The following PSPH variants were observed in gnomAD, a reference collection of about 807,000 sequenced individuals.
The protein encoded by PSPH is L-3-phosphoserine phosphatase.
A neutral mutation model predicts 23.4 loss-of-function variants in PSPH; 16 were observed. That is an observed-to-expected ratio of 0.68 (90% CI 0.46 to 1.04). The LOEUF (loss-of-function observed/expected upper bound fraction) is 1.04. Ranked by LOEUF, PSPH falls within the 50% of genes least tolerant of loss-of-function variation. PSPH has a pLI of 0.00. For synonymous variants in PSPH, 68 were observed against 99.7 expected, an observed-to-expected ratio of 0.68 and a Z score of 1.89; for missense variants, 223 against 273.7, an observed-to-expected ratio of 0.81 and a Z score of 1.31.
At chr7:56,014,503 A>T (rs753962811) in intron 7 of PSPH, among the ~76,000 whole-genome samples, 1 of 152,166 alleles carries the variant, frequency 6.6e-6, no homozygotes, top group African/African-American at 2.4e-5. Context: ...GTTCGAAATC[A>T]GCTGTTTTTA....
At chr7:56,019,889 C>T in intron 4 of PSPH, 155 bp from the exon 5 acceptor site, 2 of 934,226 alleles carry the variant, frequency 2.1e-6, no homozygotes, top group African/African-American at 1.6e-5. Flanking sequence ...GAGAGCAAGG[C>T]CTTGGAATAA....
intron 3 of PSPH, among the ~76,000 whole-genome samples, chr7:56,028,745 C>A (rs1790548563): frequency 6.6e-6 from 1 of 152,022 alleles, no homozygotes. Context: ...GCCACAGCTC[C>A]TTTTAGCTCT....
intron 1 of PSPH, among the ~76,000 whole-genome samples, chr7:56,045,536 C>T (rs1666914249): frequency 6.6e-6 from 1 of 151,994 alleles, no homozygotes; most frequent in Non-Finnish European, 1.5e-5. Flanking sequence ...TTTGACTTTA[C>T]CCTACTTACA....
chr7:56,017,515 T>A, intron 5 of PSPH, 136 bp from the exon 6 acceptor site: 1 of 1,495,294 alleles, frequency 6.7e-7, no homozygotes, highest in Non-Finnish European at 8.9e-7. Flanking sequence ...TGACAAGGTA[T>A]ACTGCCTGGG....
chr7:56,030,091 A>G (rs372776933), intron 3 of PSPH, among the ~76,000 whole-genome samples: 63 of 151,824 alleles, frequency 4.1e-4, no homozygotes, highest in African/African-American at 1.5e-3. Flanking sequence ...TCCCCAGCAC[A>G]TGCACTTACA....
intron 1 of PSPH, among the ~76,000 whole-genome samples, chr7:56,043,738 A>C (rs1792866446): frequency 7.4e-6 from 1 of 135,744 alleles, no homozygotes; most frequent in Non-Finnish European, 1.5e-5. Context: ...CTAAGGTGGG[A>C]GGATAGCTTG....
intron 7 of PSPH, among the ~76,000 whole-genome samples, chr7:56,012,538 A>C (rs1788030618): frequency 6.6e-6 from 1 of 151,840 alleles, no homozygotes. Flanking sequence ...TCTTCATTTT[A>C]CTTTTATGCA....
intron 3 of PSPH, among the ~76,000 whole-genome samples, chr7:56,024,346 G>A (rs1789879369): frequency 6.6e-6 from 1 of 150,644 alleles, no homozygotes. Flanking sequence ...TGAGTAGCTG[G>A]GACTACAGGT....
chr7:56,022,986 G>A (rs2116722838), intron 3 of PSPH, among the ~76,000 whole-genome samples: 1 of 152,268 alleles, frequency 6.6e-6, no homozygotes, highest in South Asian at 2.1e-4. Flanking sequence ...TTGAACCTGG[G>A]AGGCGGAGAT....
Position 56,011,148 on chromosome 7 carries a change from T to C in PSPH, c.*614A>G, listed in dbSNP as rs1787874924. The C allele has an allele frequency of 6.6e-6, 1 of 152,526 alleles. No homozygotes were observed. The highest frequency in any genetic ancestry group is 2.4e-5 in the African/African-American group (1 of 41,394). 9.4% of individuals were successfully genotyped at this position (152,526 alleles called of 1,614,324 possible). ...GCTGCCGAATCCGTATTTCTAAGAG[T>C]AAAGGTGTTTAATTGACTCTCCACA... On this transcript the variant is annotated 3_prime_UTR_variant, in exon 8 of 8. Coordinates refer to ENST00000275605, the MANE Select transcript of PSPH (RefSeq NM_004577.4).
chr7:56,044,870 T>C (rs1245181555), intron 1 of PSPH, among the ~76,000 whole-genome samples: 1 of 151,366 alleles, frequency 6.6e-6, no homozygotes, highest in Admixed American at 6.6e-5. Flanking sequence ...GGTTAGGAGT[T>C]TGAGACCAGC....
chr7:56,019,541 G>A (rs1789027305), intron 5 of PSPH, 59 bp downstream of exon 5: 1 of 1,607,710 alleles, frequency 6.2e-7, no homozygotes, highest in Non-Finnish European at 8.5e-7. Context: ...GATGCTCTTG[G>A]GAGGATGTGC....
chr7:56,032,321 G>C (rs1433178326), intron 2 of PSPH, among the ~76,000 whole-genome samples: 1 of 152,120 alleles, frequency 6.6e-6, no homozygotes, highest in Non-Finnish European at 1.5e-5. Flanking sequence ...ACAAAGACAA[G>C]GGAGAGGGAA....
At chr7:56,043,400 C>T (rs1028824102) in intron 1 of PSPH, 1 of 152,016 alleles carries the variant, frequency 6.6e-6, no homozygotes, top group Non-Finnish European at 1.5e-5. Context: ...AACCTGTAAT[C>T]CCAGCTACTA....
At chr7:56,018,804 GAAAATTAAAAAAAAAA>G (rs1788932473) in intron 5 of PSPH, among the ~76,000 whole-genome samples, 1 of 149,424 alleles carries the variant, frequency 6.7e-6, no homozygotes, top group Admixed American at 6.7e-5. Flanking sequence ...TGTGTCTACA[GAAAATTAAAAAAAAAA>G]AAAATTAGGC....
chr7:56,019,549 T>C, intron 5 of PSPH, 51 bp downstream of exon 5: 1 of 1,609,928 alleles, frequency 6.2e-7, no homozygotes, highest in South Asian at 1.1e-5. Context: ...TGGGAGGATG[T>C]GCCCCCCAAC....
intron 5 of PSPH, 22 bp downstream of exon 5, chr7:56,019,578 C>T (rs1466419125): frequency 6.2e-7 from 1 of 1,613,116 alleles, no homozygotes; most frequent in Non-Finnish European, 8.5e-7. Context: ...TGAAATACAC[C>T]TGGAGCCGGG....
intron 6 of PSPH, 58 bp from the exon 7 acceptor site, chr7:56,015,229 G>C (rs1443368315): frequency 7.6e-6 from 12 of 1,582,270 alleles, no homozygotes; most frequent in Non-Finnish European, 8.7e-6. Flanking sequence ...ACCAATGCCA[G>C]CTTTCTGCAT....
chr7:56,022,561 C>T (rs1283104043), intron 3 of PSPH, among the ~76,000 whole-genome samples: 1 of 152,098 alleles, frequency 6.6e-6, no homozygotes, highest in African/African-American at 2.4e-5. Context: ...GGAAGCTACC[C>T]TATGGCTTGG....
Sources: gnomAD v4.1 joint callset for allele counts (sites outside exome capture counted in the v4.1 genomes callset) on GRCh38, gnomAD v4.1.1 for gene constraint, MANE v1.5 for transcripts, NCBI Gene and HGNC (gene_info 2026-07-23, HGNC 2026-07-21) for gene names.